Variants in ANO3 observed in about 807,000 individuals in gnomAD.
ANO3 encodes anoctamin-3.
A neutral mutation model predicts 144.8 loss-of-function variants in ANO3; 99 were observed. The ratio of observed to expected loss-of-function variants is 0.68; its 90% CI spans 0.58 to 0.81. The LOEUF (loss-of-function observed/expected upper bound fraction) is 0.81. ANO3 is among the 30% of genes least tolerant of loss of function. ANO3 has a pLI of 0.00. For missense variants in ANO3, 905 were observed against 1,202.2 expected, an observed-to-expected ratio of 0.75 and a Z score of 3.66; for synonymous variants, 414 against 392.6, an observed-to-expected ratio of 1.05 and a Z score of -0.64.
At chr11:26,413,729 T>A (rs374054122) in intron 1 of ANO3, among the ~76,000 whole-genome samples, 35 of 152,070 alleles carry the variant, frequency 2.3e-4, no homozygotes, top group African/African-American at 8.2e-4. Flanking sequence ...TTCTTATTAA[T>A]CATTGAGTGT....
At chr11:26,204,945 G>C (rs1001738570) in intron 1 of ANO3, among the ~76,000 whole-genome samples, 4 of 152,104 alleles carry the variant, frequency 2.6e-5, no homozygotes, top group African/African-American at 9.7e-5. Context: ...AAAGGAAAGA[G>C]GTTTAATTGA....
At chr11:26,590,699 C>G (rs1348952927) in intron 14 of ANO3, among the ~76,000 whole-genome samples, 4 of 152,214 alleles carry the variant, frequency 2.6e-5, no homozygotes, top group Non-Finnish European at 5.9e-5. Flanking sequence ...CATGTGGGAA[C>G]AATGACAAGC....
intron 6 of ANO3, among the ~76,000 whole-genome samples, chr11:26,517,188 C>G (rs537715813): frequency 6.6e-6 from 1 of 152,068 alleles, no homozygotes; most frequent in African/African-American, 2.4e-5. Flanking sequence ...TTTTAACTTA[C>G]AACAATTCCC....
chr11:26,612,539 C>T (rs986495875), intron 17 of ANO3, among the ~76,000 whole-genome samples: 12 of 148,988 alleles, frequency 8.1e-5, no homozygotes, highest in Admixed American at 2.7e-4. Flanking sequence ...TACATAGCAC[C>T]GTTATTTCAA....
intron 1 of ANO3, among the ~76,000 whole-genome samples, chr11:26,358,663 T>G (rs1383491820): frequency 2.0e-5 from 3 of 152,154 alleles, no homozygotes; most frequent in African/African-American, 7.2e-5. Flanking sequence ...TTTCATTACA[T>G]TTTTGAAATG....
intron 14 of ANO3, chr11:26,565,498 G>A (rs956184175): frequency 6.2e-7 from 1 of 1,613,340 alleles, no homozygotes; most frequent in Non-Finnish European, 8.5e-7. Context: ...GCATTCCAAG[G>A]CACTTTAGAA....
intron 4 of ANO3, among the ~76,000 whole-genome samples, chr11:26,477,637 T>C (rs545871985): frequency 1.3e-5 from 2 of 152,156 alleles, no homozygotes; most frequent in African/African-American, 4.8e-5. Flanking sequence ...TTTTTCTTTG[T>C]AATTACCTTT....
At chr11:26,326,626 T>C (rs143902753) in intron 1 of ANO3, among the ~76,000 whole-genome samples, 1,587 of 152,288 alleles carry the variant, frequency 0.01, 14 homozygotes, top group Non-Finnish European at 0.015. Flanking sequence ...ACTCAATTAG[T>C]CACCCTAACT....
At chr11:26,247,627 C>A (rs1395909649) in intron 1 of ANO3, among the ~76,000 whole-genome samples, 1 of 151,330 alleles carries the variant, frequency 6.6e-6, no homozygotes, top group African/African-American at 2.4e-5. Flanking sequence ...GAGTCTTTTT[C>A]AATTACTGTC....
intron 14 of ANO3, among the ~76,000 whole-genome samples, chr11:26,568,362 AC>A (rs1182728909): frequency 6.6e-6 from 1 of 151,992 alleles, no homozygotes; most frequent in Non-Finnish European, 1.5e-5. Flanking sequence ...TTGGATTCAA[AC>A]CTTGACATGT....
chr11:26,648,712 A>T (rs1027126491), intron 24 of ANO3, among the ~76,000 whole-genome samples: 8 of 152,200 alleles, frequency 5.3e-5, no homozygotes, highest in Non-Finnish European at 7.3e-5. Context: ...GGATTTGAGG[A>T]ACGGAGAGGA....
At chr11:26,577,152 A>T (rs1484324444) in intron 14 of ANO3, among the ~76,000 whole-genome samples, 1 of 152,194 alleles carries the variant, frequency 6.6e-6, no homozygotes, top group Non-Finnish European at 1.5e-5. Flanking sequence ...CTAACATGTA[A>T]GAATGTAGAG....
intron 1 of ANO3, among the ~76,000 whole-genome samples, chr11:26,339,365 G>A (rs1855290442): frequency 6.6e-6 from 1 of 152,094 alleles, no homozygotes; most frequent in Admixed American, 6.5e-5. Context: ...ATGTTGGCCA[G>A]GCTGGTCTCA....
chr11:26,243,273 C>T (rs55788608), intron 1 of ANO3, among the ~76,000 whole-genome samples: 4 of 151,986 alleles, frequency 2.6e-5, no homozygotes, highest in Non-Finnish European at 5.9e-5. Flanking sequence ...TTATCTTTCT[C>T]TCTCTCTCAC....
At chr11:26,385,893 G>GTTTATATATATATATATATA (rs1183332896) in intron 1 of ANO3, among the ~76,000 whole-genome samples, 40 of 143,694 alleles carry the variant, frequency 2.8e-4, no homozygotes, top group Non-Finnish European at 5.2e-4. Context: ...CTTTGTGTGT[G>GTTTATATATATATATATATA]TATATATATT....
chr11:26,521,264 G>C (rs1240310182), intron 6 of ANO3, among the ~76,000 whole-genome samples: 1 of 152,064 alleles, frequency 6.6e-6, no homozygotes, highest in African/African-American at 2.4e-5. Flanking sequence ...GGAAACATAT[G>C]TATCTCTTTT....
At chr11:26,657,630 C>T (rs1350965180) in intron 26 of ANO3, among the ~76,000 whole-genome samples, 4 of 152,050 alleles carry the variant, frequency 2.6e-5, no homozygotes, top group African/African-American at 7.2e-5. Flanking sequence ...ACTCCCTTTT[C>T]ATCCGTATAA....
At chr11:26,295,985 A>T (rs1431534030) in intron 1 of ANO3, among the ~76,000 whole-genome samples, 1 of 152,216 alleles carries the variant, frequency 6.6e-6, no homozygotes, top group African/African-American at 2.4e-5. Context: ...CCCCAATGCT[A>T]ACTGAAGAGG....
chr11:26,662,021 G>C lies in ANO3; in HGVS notation c.*1577G>C, dbSNP rs773587214. The C allele has an allele frequency of 1.5e-4, 23 of 151,964 alleles. No homozygotes were observed. Among genetic ancestry groups the C allele is most frequent in the Non-Finnish European group, 3.1e-4 (21 of 67,966 alleles). The allele number at this position is 151,964 out of a possible 1,614,324, so 9.4% of individuals were successfully genotyped here. On this transcript the variant is annotated 3_prime_UTR_variant, in exon 27 of 27. Transcript: ENST00000256737. ...ATAAAAGACCAGATCAAACACAATG[G>C]AAATAAAGCTACTACATATATATGC... is the stretch of plus-strand genomic sequence containing the variant.
Sources: gnomAD v4.1 joint callset for allele counts (sites outside exome capture counted in the v4.1 genomes callset) on GRCh38, gnomAD v4.1.1 for gene constraint, MANE v1.5 for transcripts, NCBI Gene and HGNC (gene_info 2026-07-23, HGNC 2026-07-21) for gene names.